Variants in PDGFC observed in about 807,000 individuals in gnomAD.
PDGFC encodes the protein platelet-derived growth factor C.
Under a neutral mutation model 35.5 loss-of-function variants are expected in PDGFC, and 12 were observed. The observed-to-expected ratio is 0.34, with a 90% CI of 0.22 to 0.55. The LOEUF (loss-of-function observed/expected upper bound fraction) is 0.55. PDGFC is among the 20% of genes least tolerant of loss of function. The pLI is 0.91. For missense variants in PDGFC, 322 were observed against 412.4 expected, an observed-to-expected ratio of 0.78 and a Z score of 1.90; for synonymous variants, 159 against 148.8, an observed-to-expected ratio of 1.07 and a Z score of -0.50.
intron 2 of PDGFC, among the ~76,000 whole-genome samples, chr4:156,827,899 G>A (rs1579038751): frequency 6.6e-6 from 1 of 152,212 alleles, no homozygotes; most frequent in Non-Finnish European, 1.5e-5. Flanking sequence ...TTTGCTATTA[G>A]GAAATAAGAA....
At chr4:156,870,732 T>C (rs1460842593) in intron 1 of PDGFC, among the ~76,000 whole-genome samples, 1 of 152,154 alleles carries the variant, frequency 6.6e-6, no homozygotes, top group Non-Finnish European at 1.5e-5. Context: ...TTAAAAATCC[T>C]TTTAACACAC....
intron 1 of PDGFC, among the ~76,000 whole-genome samples, chr4:156,937,195 C>A (rs1020508688): frequency 1.1e-4 from 17 of 152,106 alleles, no homozygotes; most frequent in African/African-American, 3.9e-4. Flanking sequence ...AAAGGATATA[C>A]TAAGAGAATG....
At chr4:156,933,445 C>G (rs1731600338) in intron 1 of PDGFC, among the ~76,000 whole-genome samples, 1 of 152,156 alleles carries the variant, frequency 6.6e-6, no homozygotes, top group East Asian at 1.9e-4. Flanking sequence ...TGAGGTGGAG[C>G]AAAGATATGC....
intron 3 of PDGFC, among the ~76,000 whole-genome samples, chr4:156,809,871 A>T (rs4691382): frequency 6.6e-6 from 1 of 151,748 alleles, no homozygotes; most frequent in Middle Eastern, 3.4e-3. Context: ...TTATTTTGTC[A>T]CATGTTTGGG....
intron 1 of PDGFC, among the ~76,000 whole-genome samples, chr4:156,968,434 G>A (rs1289104939): frequency 6.6e-6 from 1 of 152,024 alleles, no homozygotes; most frequent in Admixed American, 6.6e-5. Context: ...GACAGCAACA[G>A]GGCAATCAAA....
At chr4:156,791,182 A>G (rs1441429716) in intron 3 of PDGFC, among the ~76,000 whole-genome samples, 1 of 152,140 alleles carries the variant, frequency 6.6e-6, no homozygotes, top group Non-Finnish European at 1.5e-5. Flanking sequence ...CCAGAACACC[A>G]AGGAAAGATG....
At chr4:156,789,435 CG>C (rs1560812510) in intron 3 of PDGFC, among the ~76,000 whole-genome samples, 1 of 152,072 alleles carries the variant, frequency 6.6e-6, no homozygotes, top group Non-Finnish European at 1.5e-5. Flanking sequence ...GCTGTGTGTA[CG>C]GGGGCATTCA....
chr4:156,915,436 T>C (rs1731135762), intron 1 of PDGFC, among the ~76,000 whole-genome samples: 1 of 151,818 alleles, frequency 6.6e-6, no homozygotes, highest in South Asian at 2.1e-4. Flanking sequence ...GCAACTAGCA[T>C]TGGAAAAAAC....
At chr4:156,837,202 A>C (rs919017) in intron 2 of PDGFC, among the ~76,000 whole-genome samples, 4,767 of 152,326 alleles carry the variant, frequency 0.031, 205 homozygotes, top group South Asian at 0.2. Context: ...TACAGTTAGA[A>C]GTACTTTATT....
chr4:156,827,205 C>T (rs1317470845), intron 2 of PDGFC, among the ~76,000 whole-genome samples: 2 of 152,220 alleles, frequency 1.3e-5, no homozygotes, highest in African/African-American at 2.4e-5. Context: ...AACACGAGGT[C>T]AGGAGATTGA....
intron 2 of PDGFC, chr4:156,842,041 A>C (rs1727751949): frequency 6.6e-6 from 1 of 152,126 alleles, no homozygotes; most frequent in Non-Finnish European, 1.5e-5. Flanking sequence ...GTCCCATGTA[A>C]AATTTCCCTG....
chr4:156,893,714 G>C (rs1202887444), intron 1 of PDGFC, among the ~76,000 whole-genome samples: 2 of 151,708 alleles, frequency 1.3e-5, no homozygotes, highest in Non-Finnish European at 2.9e-5. Context: ...TTACTGCTCA[G>C]ATTGGTCTGT....
At chr4:156,797,702 C>A (rs902540830) in intron 3 of PDGFC, among the ~76,000 whole-genome samples, 1 of 152,142 alleles carries the variant, frequency 6.6e-6, no homozygotes, top group Non-Finnish European at 1.5e-5. Context: ...CATTGAAAGC[C>A]GTCCTGGGCC....
chr4:156,771,824 G>A (rs1421244333), intron 4 of PDGFC, among the ~76,000 whole-genome samples: 1 of 152,096 alleles, frequency 6.6e-6, no homozygotes, highest in Non-Finnish European at 1.5e-5. Flanking sequence ...CAAAGCAGTC[G>A]ATTTCACTGT....
At chr4:156,799,800 A>T (rs954970104) in intron 3 of PDGFC, among the ~76,000 whole-genome samples, 4 of 152,148 alleles carry the variant, frequency 2.6e-5, no homozygotes, top group Admixed American at 6.5e-5. Context: ...ACATTTTTTT[A>T]AAAAAGCTTC....
chr4:156,934,562 C>A (rs1379608341), intron 1 of PDGFC, among the ~76,000 whole-genome samples: 4 of 152,112 alleles, frequency 2.6e-5, no homozygotes, highest in Non-Finnish European at 5.9e-5. Flanking sequence ...AAATATTTTA[C>A]TTTCTTACAT....
rs191100510 is a variant in PDGFC, at chr4:156,854,417, T to A, written c.119-4001A>T. On this transcript the variant is annotated intron_variant, in intron 1 of 5. Transcript: ENST00000502773. Reference sequence around the variant, plus strand: ...TTTATAATTCACTATTAAATTGGACTATATTTAAACATAATTTAAAGACTG... The same window carrying A: ...TTTATAATTCACTATTAAATTGGACAATATTTAAACATAATTTAAAGACTG... Among the ~76,000 whole-genome samples, 164 of 152,294 alleles carry A rather than the reference T, an allele frequency of 1.1e-3. 1 individual carries two copies. Among genetic ancestry groups the A allele is most frequent in the Admixed American group, 2.9e-3 (45 of 15,302 alleles).
rs146814838 is a variant in PDGFC at position 156,865,113 on chromosome 4, T to C, written c.119-14697A>G. On this transcript the variant is annotated intron_variant, in intron 1 of 5. Coordinates refer to ENST00000502773, the MANE Select transcript of PDGFC (RefSeq NM_016205.3). Reference sequence around the variant, plus strand: ...TGAAATGAAGGTTAAGAACCCTTTCTCCAAAAATAACTTTTTCATCATGAA... The same window carrying C: ...TGAAATGAAGGTTAAGAACCCTTTCCCCAAAAATAACTTTTTCATCATGAA... Among the ~76,000 whole-genome samples, 134 of 152,112 alleles carry C rather than the reference T, an allele frequency of 8.8e-4. 2 individuals are homozygous for C. The East Asian group carries it at 0.025, about 28-fold the overall frequency.
At chr4:156,933,966 C>T (rs1731616523) in intron 1 of PDGFC, among the ~76,000 whole-genome samples, 1 of 152,172 alleles carries the variant, frequency 6.6e-6, no homozygotes, top group Admixed American at 6.5e-5. Flanking sequence ...ATTACCCAGT[C>T]TCAGGTAGTT....
Sources: gnomAD v4.1 joint callset for allele counts (sites outside exome capture counted in the v4.1 genomes callset) on GRCh38, gnomAD v4.1.1 for gene constraint, MANE v1.5 for transcripts, NCBI Gene and HGNC (gene_info 2026-07-23, HGNC 2026-07-21) for gene names.